SPATA16: variants seen among roughly 807,000 people sequenced by gnomAD.
The protein encoded by SPATA16 is spermatogenesis-associated protein 16.
Under a neutral mutation model 63.3 loss-of-function variants are expected in SPATA16, and 36 were observed. The ratio of observed to expected loss-of-function variants is 0.57; its 90% confidence interval spans 0.44 to 0.75. The LOEUF is 0.75. Ranked by LOEUF, SPATA16 falls within the 30% of genes least tolerant of loss-of-function variation. The pLI is 0.00. For synonymous variants in SPATA16, 203 were observed against 216.7 expected (o/e 0.94, Z 0.56); for missense variants, 646 against 679.3 (o/e 0.95, Z 0.54).
intron 5 of SPATA16, among the ~76,000 whole-genome samples, chr3:172,959,787 C>CATATATATATATATAT (rs66806016): frequency 1.7e-3 from 234 of 135,442 alleles, no homozygotes; most frequent in African/African-American, 4.7e-3. Flanking sequence ...AGTAATATAA[C>CATATATATATATATAT]ATATATATAT....
At chr3:173,114,924 G>C (rs1173593837) in intron 2 of SPATA16, among the ~76,000 whole-genome samples, 1 of 152,166 alleles carries the variant, frequency 6.6e-6, no homozygotes, top group Non-Finnish European at 1.5e-5. Context: ...TTCTAGCTAA[G>C]ATTTCAAAGT....
At chr3:173,138,459 A>G (rs112225087) in intron 1 of SPATA16, among the ~76,000 whole-genome samples, 6 of 152,282 alleles carry the variant, frequency 3.9e-5, no homozygotes, top group African/African-American at 1.4e-4. Flanking sequence ...AGTTATATAC[A>G]ATTCCCTTCC....
rs1878008 is a variant in SPATA16, at chr3:173,096,276, A to G, written c.612+20844T>C. On this transcript the variant is annotated intron_variant, in intron 2 of 10. Coordinates refer to ENST00000351008, the MANE Select transcript of SPATA16 (RefSeq NM_031955.6). ...AGTTTGTAACTAAACAGAAATTAAA[A>G]GGGGAAGTCATTTTCTACTACTCTA... is the stretch of plus-strand genomic sequence containing the variant. Among the ~76,000 whole-genome samples the G allele has an allele frequency of 6.9e-3, 1,050 of 152,242 alleles. 8 individuals carry two copies. Among genetic ancestry groups the G allele is most frequent in the African/African-American group, 0.024 (1,006 of 41,556 alleles).
At chr3:173,072,729 A>G (rs1736703181) in intron 2 of SPATA16, among the ~76,000 whole-genome samples, 1 of 152,234 alleles carries the variant, frequency 6.6e-6, no homozygotes, top group Non-Finnish European at 1.5e-5. Context: ...ATTTATCAGC[A>G]GCATGAAAAT....
At chr3:173,094,560 AG>A (rs1737303187) in intron 2 of SPATA16, among the ~76,000 whole-genome samples, 1 of 152,168 alleles carries the variant, frequency 6.6e-6, no homozygotes. Flanking sequence ...GATATTTTAA[AG>A]GTTTTTGGAT....
At chr3:172,900,567 T>C (rs1560061080) in intron 10 of SPATA16, among the ~76,000 whole-genome samples, 1 of 152,214 alleles carries the variant, frequency 6.6e-6, no homozygotes, top group Non-Finnish European at 1.5e-5. Context: ...TATTACAGTC[T>C]TACAGATCCC....
At chr3:173,003,200 CA>C (rs1734865419) in intron 4 of SPATA16, among the ~76,000 whole-genome samples, 4 of 152,064 alleles carry the variant, frequency 2.6e-5, no homozygotes, top group Admixed American at 2.6e-4. Context: ...TGATGAAAGA[CA>C]AACAATCCAG....
chr3:173,019,658 C>G, intron 3 of SPATA16, 83 bp from the exon 4 acceptor site: 1 of 1,286,750 alleles, frequency 7.8e-7, no homozygotes, highest in Non-Finnish European at 1.1e-6. Context: ...AAATCACAGG[C>G]ATTCAATTTT....
At chr3:173,098,564 C>T (rs1371958422) in intron 2 of SPATA16, among the ~76,000 whole-genome samples, 1 of 152,082 alleles carries the variant, frequency 6.6e-6, no homozygotes, top group African/African-American at 2.4e-5. Context: ...ATCATTTATG[C>T]AGCAAGACAA....
intron 4 of SPATA16, among the ~76,000 whole-genome samples, chr3:173,017,884 T>C (rs951511837): frequency 6.6e-6 from 1 of 152,200 alleles, no homozygotes; most frequent in South Asian, 2.1e-4. Context: ...TTTATTTAAA[T>C]GTGAAACAGA....
At chr3:172,945,307 G>A (rs757258606) in intron 6 of SPATA16, among the ~76,000 whole-genome samples, 2 of 151,996 alleles carry the variant, frequency 1.3e-5, no homozygotes, top group Admixed American at 6.5e-5. Context: ...ATTTTTCTAA[G>A]AACATCAAAG....
intron 1 of SPATA16, among the ~76,000 whole-genome samples, chr3:173,133,267 G>A (rs893785853): frequency 5.3e-5 from 8 of 152,172 alleles, no homozygotes; most frequent in African/African-American, 1.9e-4. Context: ...CCAATAGAGG[G>A]TACTGGAGAA....
intron 3 of SPATA16, among the ~76,000 whole-genome samples, chr3:173,021,865 C>T (rs1257921919): frequency 6.6e-6 from 1 of 151,952 alleles, no homozygotes; most frequent in Non-Finnish European, 1.5e-5. Flanking sequence ...GGGACAAAAT[C>T]CTTACTGAAT....
chr3:172,927,641 A>G (rs1463499018), intron 6 of SPATA16, among the ~76,000 whole-genome samples: 2 of 152,202 alleles, frequency 1.3e-5, no homozygotes, highest in African/African-American at 4.8e-5. Context: ...GAGGTTCCAA[A>G]GTTGCCCAAG....
chr3:173,064,143 T>TA (rs1452196536), intron 2 of SPATA16, among the ~76,000 whole-genome samples: 1 of 151,686 alleles, frequency 6.6e-6, no homozygotes, highest in Non-Finnish European at 1.5e-5. Flanking sequence ...CTGTCTCTAC[T>TA]AAAAATACAA....
chr3:173,062,738 G>A (rs2108301600), intron 2 of SPATA16, among the ~76,000 whole-genome samples: 1 of 152,258 alleles, frequency 6.6e-6, no homozygotes, highest in Non-Finnish European at 1.5e-5. Flanking sequence ...AATGTTTTTG[G>A]CACCAGAGAC....
chr3:172,945,909 G>T (rs764138064), intron 6 of SPATA16, among the ~76,000 whole-genome samples: 9 of 152,268 alleles, frequency 5.9e-5, no homozygotes, highest in Admixed American at 5.9e-4. Context: ...ACCAGCTGGG[G>T]TGGCTATGGG....
chr3:173,062,790 G>A (rs1267373795), intron 2 of SPATA16, among the ~76,000 whole-genome samples: 3 of 152,164 alleles, frequency 2.0e-5, no homozygotes, highest in East Asian at 1.9e-4. Context: ...AGGTTGGAGG[G>A]TGGATGGTTT....
At chr3:172,907,833 C>T (rs1732276747) in intron 10 of SPATA16, among the ~76,000 whole-genome samples, 4 of 152,210 alleles carry the variant, frequency 2.6e-5, no homozygotes, top group South Asian at 4.1e-4. Context: ...CCACCTCGGC[C>T]TCCCAAAGTG....
Sources: gnomAD v4.1 joint callset for allele counts (sites outside exome capture counted in the v4.1 genomes callset) on GRCh38, gnomAD v4.1.1 for gene constraint, MANE v1.5 for transcripts, NCBI Gene and HGNC (gene_info 2026-07-23, HGNC 2026-07-21) for gene names.